Variants in RAD51B observed in about 807,000 individuals in gnomAD.
RAD51B encodes DNA repair protein RAD51 homolog 2.
Under a neutral mutation model 42.2 loss-of-function variants are expected in RAD51B, and 38 were observed. That is an observed-to-expected ratio of 0.90 (90% CI 0.70 to 1.18). The LOEUF is 1.18. RAD51B is among the 50% of genes most tolerant of loss of function. RAD51B has a pLI of 0.00. For synonymous variants in RAD51B, 154 were observed against 145.2 expected (o/e 1.06, Z -0.43); for missense variants, 373 against 400.7 (o/e 0.93, Z 0.59).
intron 10 of RAD51B, among the ~76,000 whole-genome samples, chr14:68,507,079 G>A (rs113450843): frequency 3.3e-5 from 5 of 152,208 alleles, no homozygotes; most frequent in African/African-American, 1.2e-4. Context: ...ATGTGGAGGG[G>A]GTGGGGAGGG....
At chr14:68,453,090 C>T (rs957050369) in intron 9 of RAD51B, among the ~76,000 whole-genome samples, 1 of 151,972 alleles carries the variant, frequency 6.6e-6, no homozygotes, top group Non-Finnish European at 1.5e-5. Context: ...GCATAACCCT[C>T]AAACTGATAT....
chr14:68,394,679 T>C (rs1313230044), intron 8 of RAD51B, among the ~76,000 whole-genome samples: 3 of 152,236 alleles, frequency 2.0e-5, no homozygotes, highest in Non-Finnish European at 4.4e-5. Context: ...TCTCCCAAGG[T>C]ATCTACTTTA....
chr14:68,056,832 A>G (rs2076483861), intron 7 of RAD51B, among the ~76,000 whole-genome samples: 1 of 152,010 alleles, frequency 6.6e-6, no homozygotes, highest in Non-Finnish European at 1.5e-5. Context: ...TAATCCCAAC[A>G]CTTTGGGAAG....
chr14:68,623,886 T>C (rs1477477941), intron 10 of RAD51B, among the ~76,000 whole-genome samples: 1 of 152,258 alleles, frequency 6.6e-6, no homozygotes, highest in Non-Finnish European at 1.5e-5. Flanking sequence ...AAATGTCTTC[T>C]TTCTGTTAAA....
At chr14:68,518,580 A>T (rs1451806030) in intron 10 of RAD51B, among the ~76,000 whole-genome samples, 1 of 53,750 alleles carries the variant, frequency 1.9e-5, no homozygotes. Flanking sequence ...TCCCCCATCC[A>T]CTTTCATCCC....
intron 7 of RAD51B, among the ~76,000 whole-genome samples, chr14:68,121,845 A>C (rs1234023886): frequency 2.0e-5 from 3 of 152,112 alleles, no homozygotes; most frequent in African/African-American, 7.2e-5. Flanking sequence ...AAATGTATTA[A>C]GCTACAATAA....
At chr14:68,631,988 G>A (rs771232766) in intron 10 of RAD51B, among the ~76,000 whole-genome samples, 1 of 152,180 alleles carries the variant, frequency 6.6e-6, no homozygotes, top group Non-Finnish European at 1.5e-5. Flanking sequence ...GAGTGAAGCA[G>A]GCCAGGAAGG....
chr14:68,593,528 T>C (rs769099817), intron 10 of RAD51B, among the ~76,000 whole-genome samples: 1 of 152,098 alleles, frequency 6.6e-6, no homozygotes, highest in African/African-American at 2.4e-5. Flanking sequence ...GAGGGAGAGA[T>C]GAAATCCAAT....
At chr14:68,094,820 G>GT (rs2077164924) in intron 7 of RAD51B, among the ~76,000 whole-genome samples, 1 of 152,196 alleles carries the variant, frequency 6.6e-6, no homozygotes, top group African/African-American at 2.4e-5. Flanking sequence ...TATTTCAGTT[G>GT]TTCTGAATCA....
intron 7 of RAD51B, among the ~76,000 whole-genome samples, chr14:68,017,523 T>A (rs1442480173): frequency 6.6e-6 from 1 of 152,116 alleles, no homozygotes; most frequent in African/African-American, 2.4e-5. Context: ...AAATTTAATA[T>A]TTTCCTCTAA....
chr14:68,515,732 C>T (rs1184198536), intron 10 of RAD51B, among the ~76,000 whole-genome samples: 2 of 150,572 alleles, frequency 1.3e-5, no homozygotes, highest in Admixed American at 1.3e-4. Flanking sequence ...CAGGTATGAG[C>T]CACCCAGGTG....
rs1491401993 is a variant in RAD51B, at chr14:68,072,061, ATT to A, written c.756+184859_756+184860del. On this transcript the variant is annotated intron_variant, in intron 7 of 10. Coordinates refer to ENST00000471583, the MANE Select transcript of RAD51B (RefSeq NM_133510.4). ...TTTATATATATATATAATTATATAT[ATT>A]TATATAAATATATAAATATATATAA... is the stretch of plus-strand genomic sequence containing the variant. Among the ~76,000 whole-genome samples the A allele has an allele frequency of 5.1e-3, 606 of 118,216 alleles. 16 individuals carry two copies. Among genetic ancestry groups the A allele is most frequent in the African/African-American group, 0.022 (495 of 22,966 alleles). 77.6% of individuals were successfully genotyped at this position (118,216 alleles called of 152,430 possible).
At chr14:68,600,385 A>G (rs983504342), downstream of RAD51B, among the ~76,000 whole-genome samples, 6 of 152,152 alleles carry the variant, frequency 3.9e-5, no homozygotes, top group African/African-American at 1.4e-4. Context: ...TGAGTTTCCC[A>G]TGTCCACCCA....
At chr14:68,441,541 CAAAAAAA>C (rs67477807) in intron 9 of RAD51B, among the ~76,000 whole-genome samples, 3 of 68,034 alleles carry the variant, frequency 4.4e-5, no homozygotes, top group South Asian at 1.3e-3. Flanking sequence ...GACTCCATCT[CAAAAAAA>C]AAAAAAAAAA....
intron 8 of RAD51B, among the ~76,000 whole-genome samples, chr14:68,397,534 C>T (rs986920474): frequency 1.3e-5 from 2 of 152,236 alleles, no homozygotes; most frequent in African/African-American, 4.8e-5. Flanking sequence ...CTAAGCCCCA[C>T]ACCCTGGTAA....
chr14:68,615,208 A>T (rs1891800787), downstream of RAD51B, among the ~76,000 whole-genome samples: 1 of 152,202 alleles, frequency 6.6e-6, no homozygotes, highest in Admixed American at 6.5e-5. Flanking sequence ...TTGAGAGAGG[A>T]ATGATGAAAT....
At chr14:68,100,472 C>T (rs961898174) in intron 7 of RAD51B, among the ~76,000 whole-genome samples, 43 of 152,254 alleles carry the variant, frequency 2.8e-4, no homozygotes, top group African/African-American at 9.4e-4. Flanking sequence ...AGCCACTGCA[C>T]GTGGCCCAAA....
chr14:67,850,140 C>T (rs1174711819), intron 4 of RAD51B, among the ~76,000 whole-genome samples: 2 of 152,134 alleles, frequency 1.3e-5, no homozygotes, highest in South Asian at 2.1e-4. Flanking sequence ...GGACTATAGG[C>T]GTGTGCCATC....
chr14:68,392,805 G>C (rs1047311089), intron 8 of RAD51B, among the ~76,000 whole-genome samples: 2 of 152,180 alleles, frequency 1.3e-5, no homozygotes, highest in African/African-American at 4.8e-5. Flanking sequence ...TCCCCATTTC[G>C]ACTCATGCCC....
Sources: gnomAD v4.1 joint callset for allele counts (sites outside exome capture counted in the v4.1 genomes callset) on GRCh38, gnomAD v4.1.1 for gene constraint, MANE v1.5 for transcripts, NCBI Gene and HGNC (gene_info 2026-07-23, HGNC 2026-07-21) for gene names.